Variants in MAGI2 observed in about 807,000 individuals in gnomAD.
The protein encoded by MAGI2 is membrane-associated guanylate kinase, WW and PDZ domain-containing protein 2.
Under a neutral mutation model 133.3 loss-of-function variants are expected in MAGI2, and 35 were observed. The observed-to-expected ratio is 0.26, with a 90% CI of 0.20 to 0.35. The LOEUF is 0.35. MAGI2 is among the 10% of genes least tolerant of loss of function. The pLI is 1.00. For synonymous variants in MAGI2, 729 were observed against 710.6 expected, an observed-to-expected ratio of 1.03 and a Z score of -0.41; for missense variants, 1,636 against 1,863.4, an observed-to-expected ratio of 0.88 and a Z score of 2.25.
chr7:79,117,347 A>G (rs1383240160), intron 1 of MAGI2, among the ~76,000 whole-genome samples: 2 of 152,196 alleles, frequency 1.3e-5, no homozygotes, highest in East Asian at 1.9e-4. Flanking sequence ...GAGCACATGT[A>G]TATAATTCAC....
chr7:79,204,380 G>A (rs145299053), intron 1 of MAGI2, among the ~76,000 whole-genome samples: 39 of 152,158 alleles, frequency 2.6e-4, no homozygotes, highest in South Asian at 1.0e-3. Flanking sequence ...TCTGGCCTGC[G>A]CTAGTGGTGC....
chr7:78,116,705 C>A (rs1314430801), intron 20 of MAGI2, among the ~76,000 whole-genome samples: 1 of 151,880 alleles, frequency 6.6e-6, no homozygotes, highest in Admixed American at 6.6e-5. Flanking sequence ...GTGGTGAGAG[C>A]CATCTCTACA....
intron 6 of MAGI2, among the ~76,000 whole-genome samples, chr7:78,407,852 G>T (rs1860536): frequency 6.6e-6 from 1 of 151,694 alleles, no homozygotes; most frequent in Non-Finnish European, 1.5e-5. Context: ...CTTCAGGGCT[G>T]GTTTTCCTCT....
intron 20 of MAGI2, among the ~76,000 whole-genome samples, chr7:78,081,385 G>C (rs901114060): frequency 2.6e-5 from 4 of 152,172 alleles, no homozygotes; most frequent in African/African-American, 9.7e-5. Flanking sequence ...AGTCTAGTTG[G>C]GAAGAAAATG....
At chr7:78,412,043 G>A (rs62468772) in intron 6 of MAGI2, among the ~76,000 whole-genome samples, 12,759 of 152,062 alleles carry the variant, frequency 0.084, 712 homozygotes, top group Middle Eastern at 0.13. Context: ...TAATTGTTAA[G>A]TGCAACTTTA....
Position 79,278,933 on chromosome 7 carries a change from G to A in MAGI2, c.301+174087C>T, listed in dbSNP as rs1300370037. 2.6e-5 allele frequency among the ~76,000 whole-genome samples: 4 copies of A among 152,106 alleles called. No individual in the cohort carries two copies. In the East Asian group the frequency reaches 7.7e-4, roughly 29 times the overall value. The stretch of plus-strand genomic sequence containing the variant: ...GGCAGGAAAAAGATAAACAGAGTAG[G>A]AAGAGATGACATAGTCTACAATGAG... On this transcript the variant is annotated intron_variant, in intron 1 of 21. Coordinates refer to ENST00000354212, the MANE Select transcript of MAGI2 (RefSeq NM_012301.4).
chr7:78,931,669 C>T (rs1438441925), intron 2 of MAGI2, among the ~76,000 whole-genome samples: 9 of 152,048 alleles, frequency 5.9e-5, no homozygotes, highest in Admixed American at 5.9e-4. Flanking sequence ...TTTGGATTCT[C>T]AACTATGTTA....
At chr7:78,638,440 GA>G (rs1188969863) in intron 2 of MAGI2, among the ~76,000 whole-genome samples, 6 of 152,166 alleles carry the variant, frequency 3.9e-5, no homozygotes, top group Non-Finnish European at 8.8e-5. Flanking sequence ...GATTTCCAAA[GA>G]AACTTTGGTT....
chr7:78,573,429 C>T (rs1801941656), intron 3 of MAGI2, among the ~76,000 whole-genome samples: 2 of 96,884 alleles, frequency 2.1e-5, no homozygotes, highest in Admixed American at 2.8e-4. Flanking sequence ...CCTCAAGCAC[C>T]ATTTGATCTG....
chr7:78,593,948 A>C (rs1804318096), intron 3 of MAGI2, among the ~76,000 whole-genome samples: 1 of 152,204 alleles, frequency 6.6e-6, no homozygotes, highest in African/African-American at 2.4e-5. Flanking sequence ...TTAAAGATAC[A>C]TATTCTCAAT....
chr7:79,234,224 A>G (rs1325815576), intron 1 of MAGI2, among the ~76,000 whole-genome samples: 6 of 138,884 alleles, frequency 4.3e-5, no homozygotes. Flanking sequence ...GGCTGCCCTT[A>G]ACATTTTTTC....
intron 1 of MAGI2, among the ~76,000 whole-genome samples, chr7:79,195,832 G>A (rs1167912911): frequency 6.6e-6 from 1 of 151,598 alleles, no homozygotes; most frequent in East Asian, 1.9e-4. Context: ...TGAACCTGGA[G>A]GACATTATGT....
chr7:78,488,240 C>T (rs1381379769), intron 6 of MAGI2, among the ~76,000 whole-genome samples: 1 of 152,000 alleles, frequency 6.6e-6, no homozygotes, highest in African/African-American at 2.4e-5. Context: ...TAGGCACCTA[C>T]CATCCTGTTA....
chr7:78,058,174 G>A (rs1812842141), intron 21 of MAGI2, among the ~76,000 whole-genome samples: 1 of 151,822 alleles, frequency 6.6e-6, no homozygotes, highest in Admixed American at 6.6e-5. Context: ...TATGAAAGCA[G>A]CTCCAAGTGG....
At chr7:78,225,241 T>C (rs1488771545) in intron 10 of MAGI2, among the ~76,000 whole-genome samples, 2 of 152,218 alleles carry the variant, frequency 1.3e-5, no homozygotes, top group Non-Finnish European at 2.9e-5. Flanking sequence ...CGTGAGCAGG[T>C]TGCCTCTCAG....
In MAGI2 at chr7:78,909,132, C is replaced by A. The variant is rs199964097; in HGVS notation, c.418+97958G>T. ...AAATGTACAAGAAAAAAAAAAAAAACCCCATCAAAAAGTAGGCAAAGAATA... is the reference window on the plus strand; with the variant it reads ...AAATGTACAAGAAAAAAAAAAAAAAACCCATCAAAAAGTAGGCAAAGAATA... On this transcript the variant is annotated intron_variant, in intron 2 of 21. Coordinates refer to ENST00000354212, the MANE Select transcript of MAGI2 (RefSeq NM_012301.4). 2.7e-3 allele frequency among the ~76,000 whole-genome samples: 385 copies of A among 142,642 alleles called. 2 individuals carry two copies. Among genetic ancestry groups the A allele is most frequent in the East Asian group, 0.016 (81 of 5,068 alleles). The allele number at this position is 142,642 out of a possible 152,430, so 93.6% of individuals were successfully genotyped here. A position where few individuals can be genotyped will look rare whatever the true frequency, so the allele number is the denominator to read the frequency against.
intron 2 of MAGI2, among the ~76,000 whole-genome samples, chr7:78,639,073 T>C (rs1414184412): frequency 1.3e-5 from 2 of 152,192 alleles, no homozygotes; most frequent in Non-Finnish European, 2.9e-5. Context: ...CACTACTCAG[T>C]GACCTTCATC....
intron 2 of MAGI2, among the ~76,000 whole-genome samples, chr7:78,977,101 T>C (rs1804324891): frequency 6.6e-6 from 1 of 151,692 alleles, no homozygotes; most frequent in African/African-American, 2.4e-5. Context: ...TTCTAAAATT[T>C]ATTTGGAAAG....
chr7:78,661,562 T>A (rs1369860745), intron 2 of MAGI2, among the ~76,000 whole-genome samples: 3 of 152,322 alleles, frequency 2.0e-5, no homozygotes, highest in Non-Finnish European at 4.4e-5. Context: ...TCTTACAGAT[T>A]CCATGTCTTT....
Sources: allele counts gnomAD v4.1 joint callset (sites outside exome capture counted in the v4.1 genomes callset), GRCh38; gene constraint gnomAD v4.1.1; transcripts MANE v1.5; gene names NCBI Gene and HGNC (gene_info 2026-07-23, HGNC 2026-07-21).